The following MCCC1 variants were observed in gnomAD, a reference collection of about 807,000 sequenced individuals.
MCCC1 encodes the protein methylcrotonoyl-CoA carboxylase subunit alpha, mitochondrial.
MCCC1 carries 64 observed loss-of-function variants against 83.8 expected under a neutral mutation model. That is an observed-to-expected ratio of 0.76 (90% confidence interval 0.62 to 0.94). MCCC1 has a LOEUF of 0.94. Among genes scored for constraint, MCCC1 ranks in the 40% least tolerant of loss-of-function variants. The probability of loss-of-function intolerance (pLI) is 0.00; values close to 1 mark genes in which losing one functional copy is unlikely to be tolerated. For missense variants in MCCC1, 807 were observed against 904.7 expected, an observed-to-expected ratio of 0.89 and a Z score of 1.39; for synonymous variants, 322 against 315.4, an observed-to-expected ratio of 1.02 and a Z score of -0.22.
At chr3:183,040,024 A>G (rs1713940754) in intron 11 of MCCC1, among the ~76,000 whole-genome samples, 1 of 140,354 alleles carries the variant, frequency 7.1e-6, no homozygotes, top group East Asian at 2.4e-4. Context: ...TGAACCTGGG[A>G]AGTGGAGGTT....
In MCCC1 at chr3:183,041,967, C is replaced by T. The variant is rs2292057; in HGVS notation, c.1084-217G>A. Among the ~76,000 whole-genome samples, 76,380 of 152,054 alleles carry T rather than the reference C, an allele frequency of 0.5. 23,952 individuals carry two copies. The highest frequency in any genetic ancestry group is 0.71 in the Non-Finnish European group (48,111 of 67,990). ...GGCAACAGTCTATCATTTGGGGTAT[C>T]GGAGTTTTTAAATGGCAAAAGCAGG... On this transcript the variant is annotated intron_variant, in intron 10 of 18. Coordinates refer to ENST00000265594, the MANE Select transcript of MCCC1 (RefSeq NM_020166.5).
At chr3:183,106,554 A>G (rs1431367640) in intron 1 of MCCC1, among the ~76,000 whole-genome samples, 1 of 148,482 alleles carries the variant, frequency 6.7e-6, no homozygotes, top group African/African-American at 2.6e-5. Flanking sequence ...GCTGGAGTGC[A>G]GGGGTGCAAT....
chr3:183,022,362 G>A (rs1460235889), intron 16 of MCCC1, 55 bp downstream of exon 16: 1 of 1,592,534 alleles, frequency 6.3e-7, no homozygotes, highest in Non-Finnish European at 8.6e-7. Flanking sequence ...AATGTCTCTG[G>A]TCAAACAGTT....
intron 1 of MCCC1, among the ~76,000 whole-genome samples, chr3:183,107,546 G>A (rs1303471471): frequency 3.3e-5 from 5 of 150,250 alleles, no homozygotes; most frequent in African/African-American, 1.2e-4. Flanking sequence ...TGTTGTTGTT[G>A]TTGTTGTTGT....
chr3:183,110,393 A>ATTTT (rs57833543), intron 1 of MCCC1, among the ~76,000 whole-genome samples: 2 of 129,554 alleles, frequency 1.5e-5, no homozygotes, highest in South Asian at 2.4e-4. Flanking sequence ...TTTAGTCACA[A>ATTTT]TTTTTTTTTT....
rs1249480039 is a variant in MCCC1 at position 183,064,601 on chromosome 3, G to T, written c.761+6398C>A. 6.6e-6 allele frequency among the ~76,000 whole-genome samples: 1 copy of T among 152,194 alleles called. No homozygotes were observed. The highest frequency in any genetic ancestry group is 1.5e-5 in the Non-Finnish European group (1 of 68,018). ...CAGCGGGCTGCACGCCAGCTCCCCG[G>T]TTCGCCGGCTGCGGTACGCCTCCTG... On this transcript the variant is annotated intron_variant, in intron 7 of 18. Transcript: ENST00000265594. The surrounding 1 kb of genome is among the most constrained non-coding windows in gnomAD (Gnocchi z 4.5).
chr3:183,083,630 T>C (rs1016014660), intron 4 of MCCC1, among the ~76,000 whole-genome samples: 1 of 152,326 alleles, frequency 6.6e-6, no homozygotes, highest in African/African-American at 2.4e-5. Flanking sequence ...CTATTCTAAA[T>C]AGGTACAAGC....
chr3:183,100,396 T>C (rs1008945810), upstream of MCCC1, among the ~76,000 whole-genome samples: 3 of 152,200 alleles, frequency 2.0e-5, no homozygotes, highest in South Asian at 2.1e-4. Flanking sequence ...ATCAAAGAAC[T>C]ATCCTTGCTA....
chr3:183,025,694 A>C, intron 15 of MCCC1, 61 bp downstream of exon 15: 1 of 1,368,426 alleles, frequency 7.3e-7, no homozygotes, highest in African/African-American at 1.4e-5. Context: ...GAAAGACCCT[A>C]TTCAGTATAA....
At chr3:183,061,305 T>G (rs187179227) in intron 7 of MCCC1, among the ~76,000 whole-genome samples, 5 of 152,172 alleles carry the variant, frequency 3.3e-5, no homozygotes. Flanking sequence ...GGGGTTGTGG[T>G]TGGCTAACTA....
At chr3:183,099,258 G>C in intron 1 of MCCC1, 94 bp downstream of exon 1, 2 of 1,438,050 alleles carry the variant, frequency 1.4e-6, no homozygotes, top group Non-Finnish European at 1.9e-6. Context: ...TCCCCACACC[G>C]ACCCTGGGTT....
chr3:183,058,887 A>G (rs1396560746), intron 7 of MCCC1, among the ~76,000 whole-genome samples: 1 of 152,242 alleles, frequency 6.6e-6, no homozygotes. Flanking sequence ...ATTTTTTAAA[A>G]TAAAAACTGT....
chr3:183,110,539 G>A (rs899556903), intron 1 of MCCC1, among the ~76,000 whole-genome samples: 4 of 151,524 alleles, frequency 2.6e-5, no homozygotes, highest in South Asian at 2.1e-4. Flanking sequence ...GACTACAGGC[G>A]CCCGCCACTA....
At chr3:183,027,617 A>G (rs1712716786) in intron 14 of MCCC1, among the ~76,000 whole-genome samples, 1 of 152,146 alleles carries the variant, frequency 6.6e-6, no homozygotes, top group Admixed American at 6.5e-5. Flanking sequence ...GTTTGAGACC[A>G]CCCTAGGAAA....
chr3:183,093,995 G>A (rs917521497), intron 2 of MCCC1, among the ~76,000 whole-genome samples: 2 of 151,204 alleles, frequency 1.3e-5, no homozygotes, highest in Admixed American at 6.6e-5. Context: ...AAGAACAAAC[G>A]AATATAAAAT....
intron 8 of MCCC1, among the ~76,000 whole-genome samples, chr3:183,055,683 G>A (rs1029836935): frequency 5.3e-5 from 8 of 152,090 alleles, no homozygotes; most frequent in Non-Finnish European, 7.4e-5. Context: ...ATCACTTGAA[G>A]CCAGAAGTTT....
In MCCC1 at chr3:183,111,932, T is replaced by C. The variant is rs555931659; in HGVS notation, c.-102+3542A>G. On this transcript the variant is annotated intron_variant, in intron 1 of 17. Coordinates refer to the MCCC1 transcript ENST00000492597. ...TGTGTTAAAATGTTATTTTGTTACA[T>C]GTCAACATGTAAAATATATCGCCAT... 9.2e-5 allele frequency among the ~76,000 whole-genome samples: 14 copies of C among 152,292 alleles called. No individual in the cohort carries two copies. In the Middle Eastern group the frequency reaches 0.01, roughly 111 times the overall value.
At chr3:183,086,063 T>C (rs1415249298) in intron 4 of MCCC1, among the ~76,000 whole-genome samples, 1 of 152,190 alleles carries the variant, frequency 6.6e-6, no homozygotes, top group East Asian at 1.9e-4. Flanking sequence ...AATTTCAACA[T>C]CCCCACCCTG....
intron 17 of MCCC1, among the ~76,000 whole-genome samples, chr3:183,019,640 A>G (rs1031932595): frequency 6.6e-6 from 1 of 152,224 alleles, no homozygotes; most frequent in African/African-American, 2.4e-5. Context: ...CTGTTCTAGC[A>G]GCCTGAACTG....
Sources: gnomAD v4.1 joint callset for allele counts (sites outside exome capture counted in the v4.1 genomes callset) on GRCh38, gnomAD v4.1.1 for gene constraint, Gnocchi (gnomAD v3.1) non-coding constraint, MANE v1.5 for transcripts, NCBI Gene and HGNC (gene_info 2026-07-23, HGNC 2026-07-21) for gene names.